Variants in TFEC observed in about 807,000 individuals in gnomAD.
The protein encoded by TFEC is class E basic helix-loop-helix protein 34.
TFEC carries 31 observed loss-of-function variants against 41.6 expected under a neutral mutation model. The observed-to-expected ratio is 0.74, with a 90% CI of 0.56 to 1.01. The LOEUF (loss-of-function observed/expected upper bound fraction) is 1.01. Among genes scored for constraint, TFEC ranks in the 50% least tolerant of loss-of-function variants. TFEC has a pLI of 0.00. For synonymous variants in TFEC, 143 were observed against 140.6 expected (o/e 1.02, Z -0.12); for missense variants, 402 against 404.1 (o/e 0.99, Z 0.04).
At chr7:116,102,632 C>G (rs1562970013) in intron 3 of TFEC, among the ~76,000 whole-genome samples, 1 of 152,040 alleles carries the variant, frequency 6.6e-6, no homozygotes, top group South Asian at 2.1e-4. Context: ...AAAGGATGAC[C>G]CCAATTTTAA....
intron 3 of TFEC, among the ~76,000 whole-genome samples, chr7:115,960,839 C>T (rs1436945006): frequency 6.6e-6 from 1 of 151,506 alleles, no homozygotes; most frequent in Admixed American, 6.6e-5. Flanking sequence ...AAAGACATAT[C>T]CAGCAGATGA....
intron 1 of TFEC, among the ~76,000 whole-genome samples, chr7:116,151,133 G>C (rs1187683317): frequency 6.6e-6 from 1 of 151,826 alleles, no homozygotes; most frequent in Non-Finnish European, 1.5e-5. Context: ...AGAAATATGT[G>C]AGAAAGTCTG....
chr7:115,996,572 T>C (rs1794377354), intron 1 of TFEC, among the ~76,000 whole-genome samples: 1 of 151,894 alleles, frequency 6.6e-6, no homozygotes, highest in Non-Finnish European at 1.5e-5. Flanking sequence ...AAGAAGACTT[T>C]GTCTTGCATC....
intron 1 of TFEC, among the ~76,000 whole-genome samples, chr7:116,002,935 G>A (rs1794653714): frequency 6.6e-6 from 1 of 151,928 alleles, no homozygotes; most frequent in Non-Finnish European, 1.5e-5. Flanking sequence ...AGAAAGAAGA[G>A]CAAATGAAAT....
Position 115,940,515 on chromosome 7 carries a change from T to C in TFEC, c.*36A>G, listed in dbSNP as rs373623374. 129 of 1,566,114 alleles carry C rather than the reference T, an allele frequency of 8.2e-5. No individual in the cohort carries two copies. Among genetic ancestry groups the C allele is most frequent in the Non-Finnish European group, 7.8e-5 (90 of 1,154,918 alleles). ...ATAATTGCATAGCACCAGCATAGAA[T>C]TGCTTTCCAGTTGATGAATTGGGTC... On this transcript the variant is annotated 3_prime_UTR_variant, in exon 8 of 8. Coordinates refer to ENST00000265440, the MANE Select transcript of TFEC (RefSeq NM_012252.4).
At chr7:115,948,070 C>G (rs797008664) in intron 6 of TFEC, among the ~76,000 whole-genome samples, 22 of 152,262 alleles carry the variant, frequency 1.4e-4, no homozygotes, top group African/African-American at 5.1e-4. Flanking sequence ...TTACCAACAC[C>G]TCTACTCAAA....
upstream of TFEC, among the ~76,000 whole-genome samples, chr7:116,035,063 C>T (rs1023541749): frequency 1.3e-5 from 2 of 151,822 alleles, no homozygotes; most frequent in African/African-American, 4.8e-5. Flanking sequence ...GGAAAGACAG[C>T]TTCACGAAGA....
intron 2 of TFEC, among the ~76,000 whole-genome samples, chr7:115,975,486 TCTA>T (rs1471934414): frequency 6.6e-6 from 1 of 152,134 alleles, no homozygotes; most frequent in East Asian, 1.9e-4. Flanking sequence ...TTCGGAGAAT[TCTA>T]CTAAGATACT....
chr7:116,036,757 T>TA lies in TFEC; in HGVS notation c.199-52245dup, dbSNP rs554578436. On this transcript the variant is annotated intron_variant, in intron 3 of 8. Coordinates refer to the TFEC transcript ENST00000484212. ...ACCCATGGTTTAAATTAATCCATAA[T>TA]AAAAAAAGTAATTTAATGGGATAAT... Among the ~76,000 whole-genome samples the TA allele has an allele frequency of 6.2e-4, 95 of 152,028 alleles. 1 individual carries two copies. The East Asian group carries it at 0.014, about 22-fold the overall frequency.
chr7:115,954,048 GC>G (rs1223537418), intron 5 of TFEC, among the ~76,000 whole-genome samples: 6 of 151,860 alleles, frequency 4.0e-5, no homozygotes, highest in African/African-American at 1.5e-4. Flanking sequence ...TACTTTTCTT[GC>G]CCGATTTCTC....
intron 1 of TFEC, among the ~76,000 whole-genome samples, chr7:116,116,237 G>T (rs566444772): frequency 6.6e-6 from 1 of 152,048 alleles, no homozygotes; most frequent in South Asian, 2.1e-4. Context: ...TAGGGAACTA[G>T]AAACACTATC....
Position 115,999,831 on chromosome 7 carries a change from A to C in TFEC, c.-72-15318T>G, listed in dbSNP as rs530677907. Among the ~76,000 whole-genome samples, 13 of 130,630 alleles carry C rather than the reference A, an allele frequency of 1.0e-4. No individual in the cohort carries two copies. The South Asian group carries it at 3.2e-3, about 32-fold the overall frequency. 85.7% of individuals were successfully genotyped at this position (130,630 alleles called of 152,430 possible). A position where few individuals can be genotyped will look rare whatever the true frequency, so the allele number is the denominator to read the frequency against. On this transcript the variant is annotated intron_variant, in intron 1 of 7. Transcript: ENST00000265440. ...AATAAGTAGCAAGATCAAAGCCATA[A>C]TAAGTCTCCTAGCAAAAAAAAAAAA...
At chr7:115,997,193 G>A (rs1023481916) in intron 1 of TFEC, among the ~76,000 whole-genome samples, 1 of 152,204 alleles carries the variant, frequency 6.6e-6, no homozygotes, top group Non-Finnish European at 1.5e-5. Flanking sequence ...GGCCAGAGGG[G>A]TGCTTGTGTC....
intron 3 of TFEC, among the ~76,000 whole-genome samples, chr7:116,049,135 A>G (rs1796244457): frequency 1.3e-5 from 2 of 152,210 alleles, no homozygotes; most frequent in South Asian, 2.1e-4. Context: ...TAACAATATT[A>G]ACCTTAAATG....
intron 3 of TFEC, among the ~76,000 whole-genome samples, chr7:116,102,659 T>G (rs1181710230): frequency 2.0e-5 from 3 of 152,210 alleles, no homozygotes; most frequent in South Asian, 2.1e-4. Context: ...ACTAAGTGCA[T>G]GGATAAGTAT....
chr7:115,981,306 A>G (rs193048555), intron 2 of TFEC, among the ~76,000 whole-genome samples: 108 of 152,226 alleles, frequency 7.1e-4, no homozygotes, highest in African/African-American at 2.3e-3. Flanking sequence ...AAGTATTACC[A>G]CTTCCAGAAT....
intron 1 of TFEC, among the ~76,000 whole-genome samples, chr7:115,989,965 A>G (rs964433636): frequency 1.3e-5 from 2 of 152,178 alleles, no homozygotes; most frequent in African/African-American, 4.8e-5. Context: ...CCTAACTGGC[A>G]GGTACCTCCT....
Position 115,938,110 on chromosome 7 carries a change from T to C in TFEC, c.*2441A>G, listed in dbSNP as rs1201303938. 6.6e-6 allele frequency: 1 copy of C among 151,886 alleles called. No individual in the cohort carries two copies. The highest frequency in any genetic ancestry group is 1.5e-5 in the Non-Finnish European group (1 of 67,896). 9.4% of individuals were successfully genotyped at this position (151,886 alleles called of 1,614,324 possible). A position where few individuals can be genotyped will look rare whatever the true frequency, so the allele number is the denominator to read the frequency against. ...GATCTCTTGTGTCCAGGCTCTATCA[T>C]CCTGTGCCAAGTCCTTATCTCAGCC... On this transcript the variant is annotated 3_prime_UTR_variant, in exon 8 of 8. Transcript: ENST00000265440.
chr7:115,983,845 CTT>C (rs1189961284), intron 2 of TFEC, among the ~76,000 whole-genome samples: 1 of 151,984 alleles, frequency 6.6e-6, no homozygotes, highest in African/African-American at 2.4e-5. Context: ...AATTATTAGT[CTT>C]ATTCTAATAG....
Sources: allele counts gnomAD v4.1 joint callset (sites outside exome capture counted in the v4.1 genomes callset), GRCh38; gene constraint gnomAD v4.1.1; transcripts MANE v1.5; gene names NCBI Gene and HGNC (gene_info 2026-07-23, HGNC 2026-07-21).